GRM8: variants seen among roughly 807,000 people sequenced by gnomAD.
GRM8 encodes the protein glutamate metabotropic receptor 8.
GRM8 carries 47 observed loss-of-function variants against 87.2 expected under a neutral mutation model. The ratio of observed to expected loss-of-function variants is 0.54; its 90% CI spans 0.43 to 0.69. The LOEUF is 0.69. Among genes scored for constraint, GRM8 ranks in the 30% least tolerant of loss-of-function variants. The pLI is 0.00. For missense variants in GRM8, 1,019 were observed against 1,139.2 expected (o/e 0.89, Z 1.52); for synonymous variants, 396 against 404.5 (o/e 0.98, Z 0.25).
chr7:127,157,290 G>A lies in GRM8; in HGVS notation c.511-50578C>T, dbSNP rs574784822. Among the ~76,000 whole-genome samples the A allele has an allele frequency of 3.3e-5, 5 of 151,688 alleles. No homozygotes were observed. The East Asian group carries it at 9.7e-4, about 29-fold the overall frequency. On this transcript the variant is annotated intron_variant, in intron 2 of 10. Coordinates refer to ENST00000339582, the MANE Select transcript of GRM8 (RefSeq NM_000845.3). ...GAGGACAAAAGAGGACAGGAGAGAAGAGAGGGAAAAAAGAAGTCAAATGTA... is the reference window on the plus strand; with the variant it reads ...GAGGACAAAAGAGGACAGGAGAGAAAAGAGGGAAAAAAGAAGTCAAATGTA...
chr7:126,588,441 C>G (rs961612056), intron 8 of GRM8, among the ~76,000 whole-genome samples: 15 of 152,180 alleles, frequency 9.9e-5, no homozygotes, highest in Non-Finnish European at 2.2e-4. Flanking sequence ...ACCCAGCAAT[C>G]TCATTACTGG....
chr7:127,003,448 A>G (rs17866848), intron 3 of GRM8, among the ~76,000 whole-genome samples: 1,772 of 151,756 alleles, frequency 0.012, 43 homozygotes, highest in African/African-American at 0.041. Flanking sequence ...CCAGATGGAG[A>G]ATTAGTCCCT....
At chr7:126,878,756 AC>A (rs1334539647) in intron 6 of GRM8, among the ~76,000 whole-genome samples, 1 of 151,164 alleles carries the variant, frequency 6.6e-6, no homozygotes, top group Non-Finnish European at 1.5e-5. Context: ...CGAACTCCTG[AC>A]CTCAAATTAT....
intron 2 of GRM8, among the ~76,000 whole-genome samples, chr7:127,222,263 CT>C (rs1462776465): frequency 6.6e-6 from 1 of 152,182 alleles, no homozygotes. Context: ...TAAAAAGTAG[CT>C]GGGCGTGGTG....
At chr7:127,214,262 G>A (rs963942528) in intron 2 of GRM8, among the ~76,000 whole-genome samples, 1 of 152,172 alleles carries the variant, frequency 6.6e-6, no homozygotes, top group Admixed American at 6.5e-5. Flanking sequence ...GGAACAGAAA[G>A]GGGGTTTATG....
chr7:126,532,898 A>C, intron 9 of GRM8, 54 bp downstream of exon 9: 1 of 1,038,472 alleles, frequency 9.6e-7, no homozygotes, highest in Non-Finnish European at 1.4e-6. Context: ...AAGCATCCTA[A>C]AAGAAGATGT....
intron 3 of GRM8, among the ~76,000 whole-genome samples, chr7:127,083,938 T>C (rs142635002): frequency 2.0e-3 from 309 of 152,326 alleles, no homozygotes; most frequent in African/African-American, 6.9e-3. Flanking sequence ...TCTGTTCATT[T>C]GGGGAACCTG....
At chr7:127,004,490 CAG>C (rs1367503182) in intron 3 of GRM8, among the ~76,000 whole-genome samples, 1 of 151,408 alleles carries the variant, frequency 6.6e-6, no homozygotes, top group Non-Finnish European at 1.5e-5. Context: ...ATAAATGTGA[CAG>C]AAAATGTATT....
chr7:126,796,438 G>C (rs1377578613), intron 6 of GRM8, among the ~76,000 whole-genome samples: 1 of 152,058 alleles, frequency 6.6e-6, no homozygotes, highest in Non-Finnish European at 1.5e-5. Flanking sequence ...TTACCAAAGA[G>C]GGAAACATAA....
chr7:126,482,847 A>G (rs1465298983), intron 9 of GRM8, among the ~76,000 whole-genome samples: 2 of 151,908 alleles, frequency 1.3e-5, no homozygotes, highest in East Asian at 1.9e-4. Flanking sequence ...AAAATTTTAA[A>G]GGGGAAAAAC....
In GRM8 at chr7:127,009,303, A is replaced by G. The variant is rs76740718; in HGVS notation, c.727+97193T>C. 3.4e-3 allele frequency among the ~76,000 whole-genome samples: 510 copies of G among 151,982 alleles called. 3 individuals carry two copies. The highest frequency in any genetic ancestry group is 0.011 in the African/African-American group (457 of 41,454). On this transcript the variant is annotated intron_variant, in intron 3 of 10. Transcript: ENST00000339582. The stretch of plus-strand genomic sequence containing the variant: ...AAAGTATTTTAAAAATGGCCTAAAA[A>G]CTCATTAGCTGTATTTACATTAATT...
chr7:127,228,833 A>C (rs1201274260), intron 2 of GRM8: 2 of 152,226 alleles, frequency 1.3e-5, no homozygotes, highest in African/African-American at 4.8e-5. Flanking sequence ...TTCTTTCATA[A>C]GAACCATTTT....
intron 2 of GRM8, among the ~76,000 whole-genome samples, chr7:127,197,060 C>T (rs1795320841): frequency 6.6e-6 from 1 of 152,218 alleles, no homozygotes; most frequent in South Asian, 2.1e-4. Context: ...AACGCTCTAA[C>T]TATTAGCTAT....
intron 2 of GRM8, among the ~76,000 whole-genome samples, chr7:127,221,009 AG>A (rs1354048561): frequency 6.6e-6 from 1 of 152,102 alleles, no homozygotes; most frequent in Admixed American, 6.5e-5. Flanking sequence ...TTCACTTCCA[AG>A]TCCCCAAAGT....
chr7:127,140,224 A>C (rs1458873977), intron 2 of GRM8, among the ~76,000 whole-genome samples: 1 of 152,020 alleles, frequency 6.6e-6, no homozygotes, highest in Non-Finnish European at 1.5e-5. Flanking sequence ...CTTTGATGTG[A>C]AGGGCCATCC....
chr7:126,470,019 T>C (rs907287689), intron 9 of GRM8, among the ~76,000 whole-genome samples: 2 of 152,092 alleles, frequency 1.3e-5, no homozygotes, highest in Admixed American at 1.3e-4. Context: ...GAATCCAGGC[T>C]GAGGTAGTCT....
chr7:126,806,052 T>C (rs1342531965), intron 6 of GRM8, among the ~76,000 whole-genome samples: 2 of 152,196 alleles, frequency 1.3e-5, no homozygotes, highest in Non-Finnish European at 1.5e-5. Flanking sequence ...TGTCCAGAAT[T>C]GGTGGGTTCT....
chr7:127,168,730 C>A, intron 2 of GRM8, among the ~76,000 whole-genome samples: 1 of 148,554 alleles, frequency 6.7e-6, no homozygotes, highest in Non-Finnish European at 1.5e-5. Context: ...AAGCTGGAGA[C>A]CATCATTCTC....
chr7:126,477,589 A>AAGAAAGAAAGAAAGAAAG (rs1806112901), intron 9 of GRM8, among the ~76,000 whole-genome samples: 2 of 86,052 alleles, frequency 2.3e-5, no homozygotes, highest in African/African-American at 1.1e-4. Context: ...GAGAGAAAGA[A>AAGAAAGAAAGAAAGAAAG]AGAAAGAAAG....
Sources: allele counts gnomAD v4.1 joint callset (sites outside exome capture counted in the v4.1 genomes callset), GRCh38; gene constraint gnomAD v4.1.1; transcripts MANE v1.5; gene names NCBI Gene and HGNC (gene_info 2026-07-23, HGNC 2026-07-21).